The following POLR3B variants were observed in gnomAD, a reference collection of about 807,000 sequenced individuals.
The protein encoded by POLR3B is RNA polymerase III subunit B.
POLR3B carries 96 observed loss-of-function variants against 147.4 expected under a neutral mutation model. The observed-to-expected ratio is 0.65, with a 90% CI of 0.55 to 0.77. The LOEUF (loss-of-function observed/expected upper bound fraction) is 0.77, where lower values mean the gene tolerates loss of function less well. Ranked by LOEUF, POLR3B falls within the 30% of genes least tolerant of loss-of-function variation. The pLI is 0.00. For synonymous variants in POLR3B, 461 were observed against 485.9 expected, an observed-to-expected ratio of 0.95 and a Z score of 0.67; for missense variants, 1,036 against 1,413.5, an observed-to-expected ratio of 0.73 and a Z score of 4.28.
At chr12:106,499,389 T>G (rs2038558177) in intron 25 of POLR3B, among the ~76,000 whole-genome samples, 1 of 152,206 alleles carries the variant, frequency 6.6e-6, no homozygotes, top group South Asian at 2.1e-4. Flanking sequence ...CCTTCCCCTA[T>G]GCCCCCAGCC....
At position 106,496,913 on chromosome 12, in the gene POLR3B, C is replaced by T; in HGVS notation, c.2979C>T (p.Ile993=). ...YLGKDYVTSG[I]TGEPLEAYIY... ...GGAAAGACTATGTTACATCCGGCATCACAGGGTAAGCATGCGATTGAGCTA... is the reference window on the plus strand; with the variant it reads ...GGAAAGACTATGTTACATCCGGCATTACAGGGTAAGCATGCGATTGAGCTA... Residue 993 remains isoleucine (I), a synonymous_variant, in exon 25 of 28, where the codon ATC becomes ATT. Coordinates refer to ENST00000228347, the MANE Select transcript of POLR3B (RefSeq NM_018082.6). The T allele has an allele frequency of 6.2e-7, 1 of 1,613,752 alleles. No individual in the cohort carries two copies. The highest frequency in any genetic ancestry group is 8.5e-7 in the Non-Finnish European group (1 of 1,179,816).
chr12:106,494,174 A>G (rs528811209), intron 23 of POLR3B, among the ~76,000 whole-genome samples: 20 of 152,310 alleles, frequency 1.3e-4, no homozygotes, highest in African/African-American at 4.3e-4. Flanking sequence ...ATAACATAAT[A>G]AAGTTGAATT....
At chr12:106,448,427 CTTTTTTTTTTTTTTT>C (rs869133588) in intron 19 of POLR3B, among the ~76,000 whole-genome samples, 4 of 50,604 alleles carry the variant, frequency 7.9e-5, no homozygotes, top group East Asian at 5.7e-4. Flanking sequence ...TACGTTATTT[CTTTTTTTTTTTTTTT>C]TTTTTTTTTT....
chr12:106,364,108 T>C (rs1168929646), intron 2 of POLR3B, among the ~76,000 whole-genome samples: 1 of 152,214 alleles, frequency 6.6e-6, no homozygotes, highest in Non-Finnish European at 1.5e-5. Context: ...AGAGAAGTAG[T>C]AGTACATGCA....
chr12:106,470,218 A>G (rs2038071089), intron 23 of POLR3B, among the ~76,000 whole-genome samples: 1 of 151,998 alleles, frequency 6.6e-6, no homozygotes, highest in Non-Finnish European at 1.5e-5. Context: ...AATCACTGAT[A>G]TCCTTTCTTC....
intron 12 of POLR3B, among the ~76,000 whole-genome samples, chr12:106,424,845 C>T (rs937383079): frequency 6.6e-6 from 1 of 152,164 alleles, no homozygotes; most frequent in Non-Finnish European, 1.5e-5. Context: ...TTGGGGAGAA[C>T]TGATATCTAA....
chr12:106,437,885 G>A, intron 18 of POLR3B, 106 bp downstream of exon 18: 3 of 727,844 alleles, frequency 4.1e-6, no homozygotes, highest in Non-Finnish European at 7.3e-6. Context: ...TCTTTTGACA[G>A]GAACTGTTAG....
intron 12 of POLR3B, among the ~76,000 whole-genome samples, chr12:106,411,200 A>G (rs2037221740): frequency 1.3e-5 from 2 of 151,970 alleles, no homozygotes; most frequent in African/African-American, 2.4e-5. Flanking sequence ...GTGCAATGGC[A>G]CGATCTCAGC....
At chr12:106,430,833 C>T (rs961018843) in intron 14 of POLR3B, among the ~76,000 whole-genome samples, 3 of 152,104 alleles carry the variant, frequency 2.0e-5, no homozygotes, top group Non-Finnish European at 2.9e-5. Context: ...TGAGCAGCTC[C>T]TTATTGTCCT....
chr12:106,439,353 G>C (rs958263620), intron 18 of POLR3B, among the ~76,000 whole-genome samples: 35 of 152,088 alleles, frequency 2.3e-4, no homozygotes, highest in Non-Finnish European at 4.4e-4. Context: ...CTCCAGCCTG[G>C]GTAAGAACCT....
intron 9 of POLR3B, among the ~76,000 whole-genome samples, chr12:106,387,320 C>A (rs1290966491): frequency 6.6e-6 from 1 of 152,180 alleles, no homozygotes. Flanking sequence ...ATTTACTTAA[C>A]CACTTTCCTC....
intron 5 of POLR3B, 51 bp downstream of exon 5, chr12:106,369,401 T>G: frequency 9.3e-7 from 1 of 1,078,176 alleles, no homozygotes; most frequent in Non-Finnish European, 1.4e-6. Flanking sequence ...ACTCAGAGTC[T>G]GCCCTTAATA....
chr12:106,430,214 G>C (rs114760215), intron 13 of POLR3B, 59 bp from the exon 14 acceptor site: 2 of 1,310,038 alleles, frequency 1.5e-6, no homozygotes, highest in Non-Finnish European at 2.2e-6. Context: ...GTGACCGCAC[G>C]GTATCAGACA....
chr12:106,496,330 C>A, intron 24 of POLR3B, 172 bp downstream of exon 24: 3 of 698,212 alleles, frequency 4.3e-6, no homozygotes, highest in Non-Finnish European at 7.8e-6. Flanking sequence ...CTGGGCCACT[C>A]CCCTCTACAT....
Position 106,357,893 on chromosome 12 carries a change from C to T in POLR3B, c.14C>T (p.Ala5Val), listed in dbSNP as rs144172154. The change falls in exon 1 of 28, where the codon GCG becomes GTG. Residue 5 changes from alanine to valine, a missense_variant. Physicochemically the swap from Ala to Val is moderately conservative, Grantham distance 64. Coordinates refer to ENST00000228347, the MANE Select transcript of POLR3B (RefSeq NM_018082.6). Reference protein sequence around the residue: MDVLAEEFGNLTPEQ... With the variant: MDVLVEEFGNLTPEQ... ...TTCGTGAGCAGCATGGACGTGCTAG[C>T]GGAGGAGTTTGGGAACCTGACTCCG... 2.0e-4 allele frequency: 322 copies of T among 1,613,642 alleles called. No individual in the cohort carries two copies. In the African/African-American group the frequency reaches 3.7e-3, roughly 19 times the overall value.
intron 27 of POLR3B, 57 bp from the exon 28 acceptor site, chr12:106,509,363 T>A: frequency 6.3e-7 from 1 of 1,595,040 alleles, no homozygotes; most frequent in Non-Finnish European, 8.6e-7. Flanking sequence ...ACTTCCTACG[T>A]GGAGGCCTTT....
At chr12:106,497,253 C>T (rs537812619) in intron 25 of POLR3B, among the ~76,000 whole-genome samples, 1 of 151,050 alleles carries the variant, frequency 6.6e-6, no homozygotes, top group African/African-American at 2.4e-5. Flanking sequence ...GACACCCCTG[C>T]CTTAAGATGT....
At chr12:106,455,573 T>C (rs2037854252) in intron 20 of POLR3B, among the ~76,000 whole-genome samples, 1 of 152,232 alleles carries the variant, frequency 6.6e-6, no homozygotes, top group Admixed American at 6.5e-5. Context: ...CCCAATTCAG[T>C]GATCTGAGTT....
At chr12:106,486,032 G>A (rs1422616267) in intron 23 of POLR3B, among the ~76,000 whole-genome samples, 2 of 152,106 alleles carry the variant, frequency 1.3e-5, no homozygotes, top group Admixed American at 6.5e-5. Context: ...GCTCACGCCT[G>A]TAATCCCAGC....
Sources: allele counts gnomAD v4.1 joint callset (sites outside exome capture counted in the v4.1 genomes callset), GRCh38; gene constraint gnomAD v4.1.1; transcripts MANE v1.5; gene names NCBI Gene and HGNC (gene_info 2026-07-23, HGNC 2026-07-21).